The following SPON1 variants were observed in gnomAD, a reference collection of about 807,000 sequenced individuals.
SPON1 encodes the protein spondin 1.
A neutral mutation model predicts 111.7 loss-of-function variants in SPON1; 52 were observed. That is an observed-to-expected ratio of 0.47 (90% CI 0.37 to 0.59). SPON1 has a LOEUF of 0.59. Among genes scored for constraint, SPON1 ranks in the 20% least tolerant of loss-of-function variants. The pLI, the probability that SPON1 is intolerant of heterozygous loss-of-function variation, is 0.00. For synonymous variants in SPON1, 410 were observed against 395.8 expected, an observed-to-expected ratio of 1.04 and a Z score of -0.43; for missense variants, 957 against 1,068.5, an observed-to-expected ratio of 0.90 and a Z score of 1.46.
chr11:14,090,329 A>G (rs1554923144), intron 5 of SPON1, among the ~76,000 whole-genome samples: 1 of 152,208 alleles, frequency 6.6e-6, no homozygotes, highest in Non-Finnish European at 1.5e-5. Flanking sequence ...GCGGATTGCA[A>G]AAACTATGGG....
At chr11:14,097,186 C>A (rs1219317214) in intron 5 of SPON1, among the ~76,000 whole-genome samples, 9 of 152,128 alleles carry the variant, frequency 5.9e-5, no homozygotes, top group African/African-American at 1.9e-4. Context: ...TCATCTAACC[C>A]AAAACATACT....
At chr11:14,249,841 G>C (rs1311930903) in intron 7 of SPON1, among the ~76,000 whole-genome samples, 1 of 152,210 alleles carries the variant, frequency 6.6e-6, no homozygotes, top group Non-Finnish European at 1.5e-5. Context: ...CCTTGGGGTA[G>C]GATGATGATG....
Position 13,962,922 on chromosome 11 carries a change from G to T in SPON1, c.18G>T (p.Ala6=), listed in dbSNP as rs781870664. The change falls in exon 1 of 16, where the codon GCG becomes GCT. Residue 6 remains alanine, a synonymous_variant. Transcript: ENST00000576479. ...CCGCGAAGATGAGGCTGTCCCCGGCGCCCCTGAAGCTGAGCCGGACTCCGG... is the reference window on the plus strand; with the variant it reads ...CCGCGAAGATGAGGCTGTCCCCGGCTCCCCTGAAGCTGAGCCGGACTCCGG... The part of the protein sequence containing the change: MRLSP[A]PLKLSRTPAL... 296 of 1,551,426 alleles carry T rather than the reference G, an allele frequency of 1.9e-4. No homozygotes were observed. The highest frequency in any genetic ancestry group is 2.4e-4 in the Non-Finnish European group (277 of 1,152,948).
intron 2 of SPON1, 95 bp from the exon 3 acceptor site, chr11:14,041,426 G>C: frequency 7.0e-7 from 1 of 1,435,328 alleles, no homozygotes; most frequent in South Asian, 1.3e-5. Flanking sequence ...AAAATGATAA[G>C]TTTAAAAATA....
At chr11:14,038,625 G>C (rs1360302184) in intron 2 of SPON1, among the ~76,000 whole-genome samples, 1 of 152,066 alleles carries the variant, frequency 6.6e-6, no homozygotes, top group Non-Finnish European at 1.5e-5. Flanking sequence ...ACGTCATTAG[G>C]GTGTTACAAA....
At chr11:14,031,344 A>T (rs782326271) in intron 2 of SPON1, among the ~76,000 whole-genome samples, 11 of 152,204 alleles carry the variant, frequency 7.2e-5, no homozygotes, top group Non-Finnish European at 1.3e-4. Context: ...AGGATGCTAT[A>T]ACTTTTGTGA....
intron 6 of SPON1, among the ~76,000 whole-genome samples, chr11:14,185,909 C>T (rs1351393243): frequency 6.6e-6 from 1 of 152,210 alleles, no homozygotes; most frequent in African/African-American, 2.4e-5. Flanking sequence ...ACTGGGCAAC[C>T]TTTCAATGCC....
chr11:14,162,928 G>T (rs1432082255), intron 6 of SPON1, among the ~76,000 whole-genome samples: 3 of 152,180 alleles, frequency 2.0e-5, no homozygotes, highest in African/African-American at 7.2e-5. Context: ...CTGCAAAGAG[G>T]TTAAGTGTTG....
chr11:14,191,031 G>A (rs1047827265), intron 6 of SPON1, among the ~76,000 whole-genome samples: 7 of 152,204 alleles, frequency 4.6e-5, no homozygotes, highest in South Asian at 4.1e-4. Flanking sequence ...ATAAAAAAGA[G>A]CATTGTTCTA....
At chr11:14,167,936 T>G (rs1157019575) in intron 6 of SPON1, among the ~76,000 whole-genome samples, 1 of 152,188 alleles carries the variant, frequency 6.6e-6, no homozygotes, top group Non-Finnish European at 1.5e-5. Flanking sequence ...CTCTTTTAGG[T>G]TAAGACAATC....
chr11:14,175,124 A>C (rs954322720), intron 6 of SPON1, among the ~76,000 whole-genome samples: 5 of 152,230 alleles, frequency 3.3e-5, no homozygotes, highest in Non-Finnish European at 7.3e-5. Flanking sequence ...CAACAATTGA[A>C]CCTAGGCCAC....
chr11:14,059,825 A>C (rs1848776701), intron 3 of SPON1, among the ~76,000 whole-genome samples: 1 of 152,040 alleles, frequency 6.6e-6, no homozygotes, highest in Non-Finnish European at 1.5e-5. Context: ...GCCAGGAAAA[A>C]TCCCCCTTTC....
chr11:14,115,740 C>T (rs1243137263), intron 5 of SPON1, among the ~76,000 whole-genome samples: 1 of 151,996 alleles, frequency 6.6e-6, no homozygotes. Flanking sequence ...TATATCCATT[C>T]ATGTATATGT....
intron 6 of SPON1, among the ~76,000 whole-genome samples, chr11:14,227,703 G>T (rs1376406250): frequency 1.3e-5 from 2 of 152,140 alleles, no homozygotes; most frequent in Admixed American, 1.3e-4. Context: ...CTTGGAACAG[G>T]CCTGTAAGGT....
intron 2 of SPON1, among the ~76,000 whole-genome samples, chr11:14,010,678 T>C: frequency 6.6e-6 from 1 of 152,188 alleles, no homozygotes; most frequent in Non-Finnish European, 1.5e-5. Context: ...TCTCAATAGA[T>C]TGCCTGGCAT....
intron 3 of SPON1, among the ~76,000 whole-genome samples, chr11:14,046,436 T>C (rs1848668945): frequency 6.6e-6 from 1 of 152,190 alleles, no homozygotes; most frequent in Admixed American, 6.5e-5. Context: ...AGATGGGAAA[T>C]TGAAATCTAC....
intron 6 of SPON1, among the ~76,000 whole-genome samples, chr11:14,159,609 A>G (rs1170852453): frequency 6.6e-6 from 1 of 152,132 alleles, no homozygotes; most frequent in African/African-American, 2.4e-5. Flanking sequence ...CACTGTTCAC[A>G]ATAGCCGCAA....
chr11:14,104,186 A>C (rs538275316), intron 5 of SPON1, among the ~76,000 whole-genome samples: 107 of 151,984 alleles, frequency 7.0e-4, no homozygotes, highest in African/African-American at 2.5e-3. Context: ...AAATTATTGC[A>C]TTATTCCAGT....
At chr11:14,069,554 T>C (rs782479978) in intron 3 of SPON1, among the ~76,000 whole-genome samples, 14 of 152,122 alleles carry the variant, frequency 9.2e-5, no homozygotes, top group Admixed American at 2.6e-4. Flanking sequence ...ATGTTCCACA[T>C]TGATTTCCAG....
Sources: gnomAD v4.1 joint callset for allele counts (sites outside exome capture counted in the v4.1 genomes callset) on GRCh38, gnomAD v4.1.1 for gene constraint, MANE v1.5 for transcripts, NCBI Gene and HGNC (gene_info 2026-07-23, HGNC 2026-07-21) for gene names.